The following ZNF385D variants were observed in gnomAD, a reference collection of about 807,000 sequenced individuals.
ZNF385D encodes the protein zinc finger protein 385D, also known as zinc finger protein 659.
In ZNF385D, 15 loss-of-function variants were observed where a neutral mutation model predicts 35.8. The ratio of observed to expected loss-of-function variants is 0.42; its 90% CI spans 0.28 to 0.64. The LOEUF is 0.64. Ranked by LOEUF, ZNF385D falls within the 30% of genes least tolerant of loss-of-function variation. The probability of loss-of-function intolerance (pLI) is 0.23; values close to 1 mark genes in which losing one functional copy is unlikely to be tolerated. For synonymous variants in ZNF385D, 212 were observed against 186.8 expected, an observed-to-expected ratio of 1.13 and a Z score of -1.10; for missense variants, 474 against 494.6, an observed-to-expected ratio of 0.96 and a Z score of 0.39.
chr3:21,893,915 T>A (rs539339603), intron 3 of ZNF385D, among the ~76,000 whole-genome samples: 1 of 152,318 alleles, frequency 6.6e-6, no homozygotes, highest in Non-Finnish European at 1.5e-5. Context: ...ATTTTCATTG[T>A]ACAGGTTGTA....
At chr3:21,747,064 T>C (rs1471620859) in intron 1 of ZNF385D, among the ~76,000 whole-genome samples, 2 of 151,456 alleles carry the variant, frequency 1.3e-5, no homozygotes, top group African/African-American at 4.8e-5. Flanking sequence ...TTAGCTGTTG[T>C]ATTAAAAGCT....
At chr3:21,840,235 A>G (rs749602313) in intron 3 of ZNF385D, among the ~76,000 whole-genome samples, 2 of 152,082 alleles carry the variant, frequency 1.3e-5, no homozygotes, top group Non-Finnish European at 2.9e-5. Flanking sequence ...CACATGCAAG[A>G]CATGGGGTAA....
chr3:22,170,147 A>T (rs932123735), intron 2 of ZNF385D, among the ~76,000 whole-genome samples: 5 of 152,232 alleles, frequency 3.3e-5, no homozygotes, highest in Non-Finnish European at 5.9e-5. Context: ...GAGTTATTTT[A>T]AAGTATTTGA....
chr3:22,181,113 A>T (rs552265151), intron 2 of ZNF385D, among the ~76,000 whole-genome samples: 3 of 151,904 alleles, frequency 2.0e-5, no homozygotes, highest in Admixed American at 1.3e-4. Context: ...CAGTTTTTCC[A>T]TAACAATTCT....
intron 2 of ZNF385D, among the ~76,000 whole-genome samples, chr3:21,580,651 G>A (rs1020423067): frequency 2.0e-5 from 3 of 151,610 alleles, no homozygotes; most frequent in African/African-American, 7.3e-5. Flanking sequence ...CTTCTCTGTA[G>A]GTTATCTTTT....
chr3:22,315,730 A>C (rs1703851182), intron 2 of ZNF385D, among the ~76,000 whole-genome samples: 1 of 152,204 alleles, frequency 6.6e-6, no homozygotes, highest in Non-Finnish European at 1.5e-5. Flanking sequence ...GGCTGTTCTC[A>C]GTCATTCCCA....
At chr3:21,544,446 T>A (rs1440764002) in intron 3 of ZNF385D, among the ~76,000 whole-genome samples, 3 of 152,208 alleles carry the variant, frequency 2.0e-5, no homozygotes, top group African/African-American at 7.2e-5. Flanking sequence ...TGTGTTTTTT[T>A]TAGTGAAAGG....
chr3:21,891,279 G>C (rs905976607), intron 3 of ZNF385D, among the ~76,000 whole-genome samples: 9 of 152,050 alleles, frequency 5.9e-5, no homozygotes, highest in African/African-American at 2.2e-4. Context: ...CTAATGGATA[G>C]AATGAACAAG....
At chr3:22,195,441 C>T (rs1179601998) in intron 2 of ZNF385D, among the ~76,000 whole-genome samples, 3 of 151,870 alleles carry the variant, frequency 2.0e-5, no homozygotes, top group Non-Finnish European at 4.4e-5. Flanking sequence ...GAAGGTCACT[C>T]ATTAATTCTT....
intron 2 of ZNF385D, among the ~76,000 whole-genome samples, chr3:21,603,933 G>C (rs141103482): frequency 6.6e-6 from 1 of 152,248 alleles, no homozygotes; most frequent in East Asian, 1.9e-4. Flanking sequence ...AGTAGAAGTA[G>C]CTTATCTCAA....
chr3:21,531,241 G>A (rs4858328), intron 3 of ZNF385D, among the ~76,000 whole-genome samples: 86,992 of 151,988 alleles, frequency 0.57, 25,187 homozygotes, highest in East Asian at 0.71. Flanking sequence ...TCAAAATTCA[G>A]AACACTGGCA....
intron 3 of ZNF385D, among the ~76,000 whole-genome samples, chr3:22,110,697 G>C (rs1702475083): frequency 6.6e-6 from 1 of 151,686 alleles, no homozygotes; most frequent in Non-Finnish European, 1.5e-5. Flanking sequence ...TAAATGACAA[G>C]TTAATGGGTG....
intron 2 of ZNF385D, among the ~76,000 whole-genome samples, chr3:22,280,814 A>G (rs990866574): frequency 1.3e-5 from 2 of 151,974 alleles, no homozygotes; most frequent in Admixed American, 6.6e-5. Flanking sequence ...TGATTGCGGT[A>G]TTTTGATTGG....
chr3:21,914,462 TTTGA>T (rs1700103952), intron 3 of ZNF385D, among the ~76,000 whole-genome samples: 1 of 151,810 alleles, frequency 6.6e-6, no homozygotes. Context: ...ACCTTTCTCA[TTTGA>T]TTGTGTTCCT....
At chr3:21,858,054 C>T (rs57934088) in intron 3 of ZNF385D, among the ~76,000 whole-genome samples, 2,987 of 149,754 alleles carry the variant, frequency 0.02, 106 homozygotes, top group African/African-American at 0.07. Flanking sequence ...TCCAGCTACT[C>T]GGGAGGCTGA....
chr3:21,527,376 A>T (rs1037528402), intron 3 of ZNF385D, among the ~76,000 whole-genome samples: 2 of 152,194 alleles, frequency 1.3e-5, no homozygotes, highest in African/African-American at 4.8e-5. Flanking sequence ...AGCTATAAAC[A>T]TGAAGGTGCA....
Position 21,420,865 on chromosome 3 carries a change from G to A in ZNF385D, c.*349C>T, listed in dbSNP as rs1700704410. ...GAACCAGTTAATGCCCTTAGACAAT[G>A]TATAGTTGTTTCATAAAGCAGGACA... is the stretch of plus-strand genomic sequence containing the variant. On this transcript the variant is annotated 3_prime_UTR_variant, in exon 8 of 8. Coordinates refer to ENST00000281523, the MANE Select transcript of ZNF385D (RefSeq NM_024697.3). The A allele has an allele frequency of 4.8e-6, 1 of 210,354 alleles. No homozygotes were observed. The highest frequency in any genetic ancestry group is 9.7e-6 in the Non-Finnish European group (1 of 102,946). 13.0% of individuals were successfully genotyped at this position (210,354 alleles called of 1,614,324 possible).
intron 2 of ZNF385D, among the ~76,000 whole-genome samples, chr3:22,182,946 T>C (rs1044313908): frequency 6.6e-6 from 1 of 152,076 alleles, no homozygotes; most frequent in Non-Finnish European, 1.5e-5. Flanking sequence ...AGAGAAATGA[T>C]GGATATGGAT....
At position 21,648,386 on chromosome 3, in the gene ZNF385D, C is replaced by T. The variant is rs114192392; in HGVS notation, c.165+16500G>A. Among the ~76,000 whole-genome samples, 436 of 152,234 alleles carry T rather than the reference C, an allele frequency of 2.9e-3. 1 individual carries two copies. Among genetic ancestry groups the T allele is most frequent in the African/African-American group, 0.01 (424 of 41,532 alleles). Reference sequence around the variant, plus strand: ...ATGTGGAACTGAGAATCAATTAAACCTCTTTTCTTTATGTTACCCAGTCTC... The same window carrying T: ...ATGTGGAACTGAGAATCAATTAAACTTCTTTTCTTTATGTTACCCAGTCTC... On this transcript the variant is annotated intron_variant, in intron 2 of 7. Coordinates refer to ENST00000281523, the MANE Select transcript of ZNF385D (RefSeq NM_024697.3).
Sources: gnomAD v4.1 joint callset for allele counts (sites outside exome capture counted in the v4.1 genomes callset) on GRCh38, gnomAD v4.1.1 for gene constraint, MANE v1.5 for transcripts, NCBI Gene and HGNC (gene_info 2026-07-23, HGNC 2026-07-21) for gene names.